Variants in ECT2 observed in about 807,000 individuals in gnomAD.
ECT2 encodes protein ECT2.
In ECT2, 61 loss-of-function variants were observed where a neutral mutation model predicts 116.9. The ratio of observed to expected loss-of-function variants is 0.52; its 90% CI spans 0.42 to 0.65. The LOEUF is 0.65. Among genes scored for constraint, ECT2 ranks in the 30% least tolerant of loss-of-function variants. ECT2 has a pLI of 0.00. For synonymous variants in ECT2, 358 were observed against 346.4 expected, an observed-to-expected ratio of 1.03 and a Z score of -0.37; for missense variants, 937 against 1,078.7, an observed-to-expected ratio of 0.87 and a Z score of 1.84.
chr3:172,769,284 A>T, intron 13 of ECT2, 141 bp downstream of exon 13: 1 of 790,078 alleles, frequency 1.3e-6, no homozygotes. Flanking sequence ...GTGTGACAAA[A>T]ACTGCTGTTA....
intron 22 of ECT2, among the ~76,000 whole-genome samples, chr3:172,809,988 A>G (rs958629089): frequency 2.0e-4 from 31 of 152,154 alleles, no homozygotes; most frequent in African/African-American, 7.5e-4. Context: ...GTTTAAATCT[A>G]TTGAAGATCT....
chr3:172,755,777 C>T (rs945640678), intron 4 of ECT2, among the ~76,000 whole-genome samples: 1 of 152,060 alleles, frequency 6.6e-6, no homozygotes, highest in African/African-American at 2.4e-5. Flanking sequence ...TGCTGTATTT[C>T]CAAAATTATA....
At chr3:172,822,135 C>A (rs1332774316), downstream of ECT2, among the ~76,000 whole-genome samples, 2 of 151,790 alleles carry the variant, frequency 1.3e-5, no homozygotes, top group Admixed American at 6.6e-5. Flanking sequence ...TTCCAAGAAT[C>A]CAAGGTTAGT....
chr3:172,774,201 C>T (rs1318551747), intron 14 of ECT2, among the ~76,000 whole-genome samples, 179 bp downstream of exon 14: 1 of 151,822 alleles, frequency 6.6e-6, no homozygotes, highest in African/African-American at 2.4e-5. Flanking sequence ...TTGTTGTTTG[C>T]TTTTGTTTTG....
intron 21 of ECT2, among the ~76,000 whole-genome samples, chr3:172,806,909 C>T (rs975336432): frequency 1.3e-5 from 2 of 152,050 alleles, no homozygotes; most frequent in Non-Finnish European, 2.9e-5. Context: ...TCCCAAAGTG[C>T]TGGGATTACA....
At chr3:172,814,810 A>C (rs772138196) in intron 22 of ECT2, among the ~76,000 whole-genome samples, 1 of 152,156 alleles carries the variant, frequency 6.6e-6, no homozygotes, top group Non-Finnish European at 1.5e-5. Flanking sequence ...GTGAACCTTC[A>C]AAATCCACTA....
At chr3:172,829,106 T>A in the ECT2 span, 1 of 681,604 alleles carries the variant, frequency 1.5e-6, no homozygotes, top group Non-Finnish European at 2.7e-6. Context: ...GACACAGGCC[T>A]GGTTAGACAC....
At chr3:172,773,639 G>A (rs1576902003) in intron 13 of ECT2, among the ~76,000 whole-genome samples, 1 of 152,286 alleles carries the variant, frequency 6.6e-6, no homozygotes, top group South Asian at 2.1e-4. Flanking sequence ...CAATTTTAAT[G>A]ATTGATTGCA....
downstream of ECT2, among the ~76,000 whole-genome samples, chr3:172,823,755 C>CA (rs917462924): frequency 2.7e-5 from 4 of 150,492 alleles, no homozygotes; most frequent in Non-Finnish European, 4.4e-5. Context: ...TGATTGCTTA[C>CA]AAAAAAAAAG....
chr3:172,782,496 C>A (rs917827796), intron 15 of ECT2, among the ~76,000 whole-genome samples: 8 of 151,994 alleles, frequency 5.3e-5, no homozygotes, highest in South Asian at 2.1e-4. Flanking sequence ...AGTTATTTGC[C>A]TTTCATAAAT....
chr3:172,815,060 C>A (rs1729451420), intron 22 of ECT2, among the ~76,000 whole-genome samples: 1 of 152,276 alleles, frequency 6.6e-6, no homozygotes, highest in South Asian at 2.1e-4. Flanking sequence ...GAATGTGATA[C>A]AAGCTGTGAA....
intron 23 of ECT2, among the ~76,000 whole-genome samples, chr3:172,816,108 A>G (rs961847046): frequency 3.3e-5 from 5 of 152,168 alleles, no homozygotes; most frequent in Non-Finnish European, 5.9e-5. Flanking sequence ...TGATGAAGAT[A>G]ACTTACTTAC....
chr3:172,773,299 A>G (rs543869353), intron 13 of ECT2, among the ~76,000 whole-genome samples: 107 of 152,056 alleles, frequency 7.0e-4, no homozygotes, highest in African/African-American at 2.4e-3. Flanking sequence ...TATATTTTCC[A>G]TTTGTAAATT....
intron 24 of ECT2, among the ~76,000 whole-genome samples, chr3:172,818,072 AAG>A (rs1730076093): frequency 6.6e-6 from 1 of 152,122 alleles, no homozygotes; most frequent in Non-Finnish European, 1.5e-5. Flanking sequence ...TGAGTTTTAT[AAG>A]TGATTTCTTT....
rs1489476092 is a variant in ECT2 at position 172,820,296 on chromosome 3, A to G, written c.*59A>G. 5.6e-6 allele frequency: 7 copies of G among 1,247,552 alleles called. No individual in the cohort carries two copies. Among genetic ancestry groups the G allele is most frequent in the Admixed American group, 2.2e-5 (1 of 46,190 alleles). The allele number at this position is 1,247,552 out of a possible 1,614,324, so 77.3% of individuals were successfully genotyped here. On this transcript the variant is annotated 3_prime_UTR_variant, in exon 25 of 25. Coordinates refer to ENST00000392692, the MANE Select transcript of ECT2 (RefSeq NM_001258315.2). ...TAGACACCTCATACTCAAATAAGAA[A>G]CTGACTTAAATGGTACTTGTAATTA...
intron 5 of ECT2, among the ~76,000 whole-genome samples, chr3:172,757,737 G>A (rs114548622): frequency 6.6e-6 from 1 of 152,108 alleles, no homozygotes; most frequent in African/African-American, 2.4e-5. Context: ...ATACCACAAT[G>A]TCTTAGAGAA....
At chr3:172,772,851 G>C (rs906744809) in intron 13 of ECT2, among the ~76,000 whole-genome samples, 1 of 152,142 alleles carries the variant, frequency 6.6e-6, no homozygotes, top group African/African-American at 2.4e-5. Flanking sequence ...TTGTAATACC[G>C]TTTGTTGAAA....
chr3:172,826,049 A>C (rs1730833521), downstream of ECT2, among the ~76,000 whole-genome samples: 1 of 152,060 alleles, frequency 6.6e-6, no homozygotes, highest in African/African-American at 2.4e-5. Flanking sequence ...ACGCCCCGCC[A>C]CGCCCTGCTA....
chr3:172,767,638 A>G (rs893710778), intron 12 of ECT2, among the ~76,000 whole-genome samples: 2 of 152,152 alleles, frequency 1.3e-5, no homozygotes, highest in Non-Finnish European at 2.9e-5. Context: ...ATGTTAAAGT[A>G]TTCTAACCAT....
Sources: gnomAD v4.1 joint callset for allele counts (sites outside exome capture counted in the v4.1 genomes callset) on GRCh38, gnomAD v4.1.1 for gene constraint, MANE v1.5 for transcripts, NCBI Gene and HGNC (gene_info 2026-07-23, HGNC 2026-07-21) for gene names.